Variants in ANO6 observed in about 807,000 individuals in gnomAD.
ANO6 encodes the protein anoctamin-6.
Under a neutral mutation model 117.5 loss-of-function variants are expected in ANO6, and 106 were observed. The ratio of observed to expected loss-of-function variants is 0.90; its 90% CI spans 0.77 to 1.06. The LOEUF (loss-of-function observed/expected upper bound fraction) is 1.06, where lower values mean the gene tolerates loss of function less well. Among genes scored for constraint, ANO6 ranks in the 50% least tolerant of loss-of-function variants. The pLI, the probability that ANO6 is intolerant of heterozygous loss-of-function variation, is 0.00. For synonymous variants in ANO6, 367 were observed against 385.1 expected (o/e 0.95, Z 0.55); for missense variants, 955 against 1,121.1 (o/e 0.85, Z 2.12).
At position 45,331,291 on chromosome 12, in the gene ANO6, A is replaced by C; in HGVS notation, c.151-4A>C. The C allele has an allele frequency of 1.9e-6, 3 of 1,606,074 alleles. No individual in the cohort carries two copies. The highest frequency in any genetic ancestry group is 2.6e-6 in the Non-Finnish European group (3 of 1,175,960). ...ATTACAATTTGTTTTTCTGTTTTAC[A>C]CAGGAAGAATTTAATGGAAAACCTG... On this transcript the variant is annotated splice_polypyrimidine_tract_variant and splice_region_variant and intron_variant, in intron 2 of 19. Coordinates refer to ENST00000320560, the MANE Select transcript of ANO6 (RefSeq NM_001025356.3).
chr12:45,340,605 A>G (rs1165259574), intron 3 of ANO6, among the ~76,000 whole-genome samples: 2 of 152,150 alleles, frequency 1.3e-5, no homozygotes, highest in Non-Finnish European at 1.5e-5. Flanking sequence ...TAAGGTTTCC[A>G]GTAAGGCACA....
chr12:45,296,242 G>A (rs1045037213), intron 1 of ANO6, among the ~76,000 whole-genome samples: 2 of 152,264 alleles, frequency 1.3e-5, no homozygotes, highest in Admixed American at 6.5e-5. Flanking sequence ...TCTAGATATC[G>A]TGCCCAATCT....
intron 16 of ANO6, among the ~76,000 whole-genome samples, chr12:45,410,501 A>G (rs997733766): frequency 6.6e-6 from 1 of 152,244 alleles, no homozygotes; most frequent in Non-Finnish European, 1.5e-5. Context: ...AAACGGAAGC[A>G]TCTCAAAATA....
chr12:45,382,914 G>C (rs1207685553), intron 10 of ANO6, among the ~76,000 whole-genome samples: 1 of 152,158 alleles, frequency 6.6e-6, no homozygotes, highest in Non-Finnish European at 1.5e-5. Context: ...GGTTGCTGAA[G>C]GTTTAGGTAG....
chr12:45,425,293 G>A (rs1943473545), intron 19 of ANO6, among the ~76,000 whole-genome samples: 1 of 152,060 alleles, frequency 6.6e-6, no homozygotes, highest in Non-Finnish European at 1.5e-5. Context: ...TAAGAAAATA[G>A]AAAATATGAA....
chr12:45,281,396 A>C (rs1046102149), intron 1 of ANO6, among the ~76,000 whole-genome samples: 3 of 152,226 alleles, frequency 2.0e-5, no homozygotes, highest in Non-Finnish European at 4.4e-5. Flanking sequence ...AAAGAAAATA[A>C]GTTTATTTTG....
chr12:45,371,343 C>G (rs1941828994), intron 9 of ANO6, among the ~76,000 whole-genome samples: 1 of 152,220 alleles, frequency 6.6e-6, no homozygotes, highest in Non-Finnish European at 1.5e-5. Flanking sequence ...GAAGCTCGAA[C>G]TTGGTGGACC....
chr12:45,225,930 G>A (rs1319685293), intron 1 of ANO6, among the ~76,000 whole-genome samples: 1 of 152,028 alleles, frequency 6.6e-6, no homozygotes, highest in Non-Finnish European at 1.5e-5. Context: ...TCAACTGATT[G>A]GTAAATCATA....
At chr12:45,308,077 A>G (rs1939734374) in intron 2 of ANO6, among the ~76,000 whole-genome samples, 1 of 7,190 alleles carries the variant, frequency 1.4e-4, no homozygotes, top group Admixed American at 1.9e-3. Flanking sequence ...TTTTTTGCCA[A>G]GCAAGAACAC....
chr12:45,327,274 T>C (rs936641366), intron 2 of ANO6, among the ~76,000 whole-genome samples: 1 of 152,126 alleles, frequency 6.6e-6, no homozygotes, highest in African/African-American at 2.4e-5. Context: ...GACTATCATA[T>C]TGGGAAAAGT....
intron 3 of ANO6, among the ~76,000 whole-genome samples, chr12:45,337,614 G>C (rs1021464631): frequency 1.3e-5 from 2 of 152,084 alleles, no homozygotes; most frequent in Non-Finnish European, 2.9e-5. Flanking sequence ...CATAGAAGTA[G>C]ATAATAGAAT....
At chr12:45,386,960 G>A (rs180751130) in intron 10 of ANO6, among the ~76,000 whole-genome samples, 36 of 152,332 alleles carry the variant, frequency 2.4e-4, no homozygotes, top group African/African-American at 8.7e-4. Flanking sequence ...TGTGCCCAGA[G>A]CAACCTGTGC....
intron 15 of ANO6, among the ~76,000 whole-genome samples, chr12:45,406,726 G>C (rs1041773130): frequency 1.3e-5 from 2 of 152,118 alleles, no homozygotes; most frequent in African/African-American, 4.8e-5. Context: ...TCTAGGTTCA[G>C]AAACAGTAAA....
intron 2 of ANO6, among the ~76,000 whole-genome samples, chr12:45,304,218 T>A (rs1374059258): frequency 6.6e-6 from 1 of 152,172 alleles, no homozygotes; most frequent in Non-Finnish European, 1.5e-5. Flanking sequence ...GGTGTAGAAG[T>A]GGTGCCTTGA....
chr12:45,402,198 TA>T (rs1942809695), intron 13 of ANO6, among the ~76,000 whole-genome samples, 178 bp downstream of exon 13: 1 of 152,216 alleles, frequency 6.6e-6, no homozygotes, highest in Non-Finnish European at 1.5e-5. Flanking sequence ...TTTGCATTAG[TA>T]AAAGGGACAA....
At chr12:45,217,999 CTG>C (rs1947342161) in intron 1 of ANO6, among the ~76,000 whole-genome samples, 1 of 152,136 alleles carries the variant, frequency 6.6e-6, no homozygotes, top group Non-Finnish European at 1.5e-5. Flanking sequence ...TTGGTCTAGT[CTG>C]TGTTTACCTA....
rs549676207 is a variant in ANO6 at position 45,391,100 on chromosome 12, C to A, written c.1386+602C>A. Among the ~76,000 whole-genome samples the A allele has an allele frequency of 2.2e-4, 34 of 151,594 alleles. No homozygotes were observed. The South Asian group carries it at 7.1e-3, about 32-fold the overall frequency. On this transcript the variant is annotated intron_variant, in intron 12 of 19. Coordinates refer to ENST00000320560, the MANE Select transcript of ANO6 (RefSeq NM_001025356.3). ...CACACCACTGCACTCGACTGGGTAA[C>A]AGAGCAAGACTCCATCTCAAAAAAA...
At chr12:45,251,588 T>G (rs1384689765) in intron 1 of ANO6, among the ~76,000 whole-genome samples, 1 of 152,110 alleles carries the variant, frequency 6.6e-6, no homozygotes, top group Non-Finnish European at 1.5e-5. Context: ...GCCCAGAGAC[T>G]AATGTTCCAG....
At chr12:45,351,501 A>G (rs1302965773) in intron 7 of ANO6, among the ~76,000 whole-genome samples, 1 of 152,220 alleles carries the variant, frequency 6.6e-6, no homozygotes, top group Non-Finnish European at 1.5e-5. Context: ...ATAAAACATG[A>G]AAATAAATAA....
Sources: allele counts gnomAD v4.1 joint callset (sites outside exome capture counted in the v4.1 genomes callset), GRCh38; gene constraint gnomAD v4.1.1; transcripts MANE v1.5; gene names NCBI Gene and HGNC (gene_info 2026-07-23, HGNC 2026-07-21).